The following DAOA variants were observed in gnomAD, a reference collection of about 807,000 sequenced individuals.
DAOA encodes D-amino acid oxidase regulator.
Under a neutral mutation model 16.4 loss-of-function variants are expected in DAOA, and 15 were observed. That is an observed-to-expected ratio of 0.91 (90% CI 0.61 to 1.41). The LOEUF is 1.41. Ranked by LOEUF, DAOA falls within the 40% of genes most tolerant of loss-of-function variation. The pLI is 0.00. For synonymous variants in DAOA, 75 were observed against 59.1 expected (o/e 1.27, Z -1.23); for missense variants, 230 against 176.8 (o/e 1.30, Z -1.71).
chr13:105,473,836 A>T (rs1877159813), intron 4 of DAOA, among the ~76,000 whole-genome samples: 1 of 152,146 alleles, frequency 6.6e-6, no homozygotes, highest in African/African-American at 2.4e-5. Flanking sequence ...TTCCAATCAG[A>T]GCTGCCTAAT....
chr13:105,474,864 C>A, intron 4 of DAOA: 2 of 286,492 alleles, frequency 7.0e-6, no homozygotes, highest in Non-Finnish European at 1.0e-5. Flanking sequence ...CATTCCTCTT[C>A]TGGAAATCTC....
At chr13:105,476,524 A>C (rs4772688) in intron 4 of DAOA, among the ~76,000 whole-genome samples, 2 of 144,692 alleles carry the variant, frequency 1.4e-5, no homozygotes, top group Non-Finnish European at 3.1e-5. Flanking sequence ...AAAAAATTAC[A>C]TATGAGGTAC....
At chr13:105,472,406 A>C (rs968525128) in intron 3 of DAOA, 132 bp from the exon 4 acceptor site, 1 of 1,300,530 alleles carries the variant, frequency 7.7e-7, no homozygotes, top group Non-Finnish European at 1.0e-6. Flanking sequence ...TTTTGTCTTA[A>C]CCAAAAACCT....
Position 105,490,130 on chromosome 13 carries a change from C to A in DAOA, c.*49C>A. On this transcript the variant is annotated 3_prime_UTR_variant, in exon 5 of 6. Coordinates refer to ENST00000375936, the MANE Select transcript of DAOA (RefSeq NM_172370.5). Reference sequence around the variant, plus strand: ...CCAATCCTTCTGATGACAATGTAGTCTGGCCAACATCTTCACTGGACTCTG... The same window carrying A: ...CCAATCCTTCTGATGACAATGTAGTATGGCCAACATCTTCACTGGACTCTG... 6.6e-7 allele frequency: 1 copy of A among 1,519,338 alleles called. No individual in the cohort carries two copies. Among genetic ancestry groups the A allele is most frequent in the Non-Finnish European group, 8.9e-7 (1 of 1,128,830 alleles). The allele number at this position is 1,519,338 out of a possible 1,614,324, so 94.1% of individuals were successfully genotyped here.
intron 4 of DAOA, among the ~76,000 whole-genome samples, chr13:105,473,055 C>A (rs940978532): frequency 2.6e-5 from 4 of 151,966 alleles, no homozygotes; most frequent in Admixed American, 1.3e-4. Context: ...CTCTTTAGAA[C>A]CTCAAGGCTA....
intron 4 of DAOA, among the ~76,000 whole-genome samples, chr13:105,474,430 T>C (rs1442757025): frequency 6.6e-6 from 1 of 152,102 alleles, no homozygotes; most frequent in African/African-American, 2.4e-5. Context: ...ATTGTCTTAC[T>C]AATGGCACTA....
In DAOA at chr13:105,485,608, T is replaced by A. The variant is rs571738890; in HGVS notation, c.282-4293T>A. 2.6e-5 allele frequency among the ~76,000 whole-genome samples: 4 copies of A among 152,302 alleles called. No individual in the cohort carries two copies. In the South Asian group the frequency reaches 8.3e-4, roughly 32 times the overall value. ...TCTGCAATACCTATGAATATGACCTTATTTAGAAATAGGATATTTGCAGAT... is the reference window on the plus strand; with the variant it reads ...TCTGCAATACCTATGAATATGACCTAATTTAGAAATAGGATATTTGCAGAT... On this transcript the variant is annotated intron_variant, in intron 4 of 5. Coordinates refer to ENST00000375936, the MANE Select transcript of DAOA (RefSeq NM_172370.5).
In DAOA at chr13:105,490,132, G is replaced by A; in HGVS notation, c.*51G>A. 15 of 1,515,244 alleles carry A rather than the reference G, an allele frequency of 9.9e-6. No individual in the cohort carries two copies. Among genetic ancestry groups the A allele is most frequent in the Non-Finnish European group, 1.3e-5 (15 of 1,126,682 alleles). The allele number at this position is 1,515,244 out of a possible 1,614,324, so 93.9% of individuals were successfully genotyped here. On this transcript the variant is annotated 3_prime_UTR_variant, in exon 5 of 6. Transcript: ENST00000375936. ...AATCCTTCTGATGACAATGTAGTCT[G>A]GCCAACATCTTCACTGGACTCTGAC...
intron 4 of DAOA, among the ~76,000 whole-genome samples, chr13:105,473,392 T>G (rs576972788): frequency 1.7e-4 from 26 of 152,234 alleles, no homozygotes; most frequent in African/African-American, 6.3e-4. Context: ...ATGTTAGGCT[T>G]AACGAGAATA....
intron 4 of DAOA, among the ~76,000 whole-genome samples, chr13:105,482,660 A>T (rs1385922603): frequency 6.6e-6 from 1 of 151,830 alleles, no homozygotes; most frequent in Non-Finnish European, 1.5e-5. Context: ...GGTGCCCACC[A>T]CCACGTCTGG....
intron 4 of DAOA, among the ~76,000 whole-genome samples, chr13:105,485,344 T>C (rs745899254): frequency 7.2e-5 from 11 of 152,144 alleles, no homozygotes; most frequent in Non-Finnish European, 1.0e-4. Flanking sequence ...ACTTGATCCG[T>C]TGGATTTTGT....
intron 3 of DAOA, among the ~76,000 whole-genome samples, chr13:105,468,345 A>G (rs905364902): frequency 6.6e-6 from 1 of 152,178 alleles, no homozygotes; most frequent in Non-Finnish European, 1.5e-5. Context: ...TGATAGCATA[A>G]TTAAAACATT....
rs572954611 is a variant in DAOA at position 105,472,518 on chromosome 13, C to A, written c.134-20C>A. 3 of 1,608,560 alleles carry A rather than the reference C, an allele frequency of 1.9e-6. No homozygotes were observed. Among genetic ancestry groups the A allele is most frequent in the Admixed American group, 3.4e-5 (2 of 59,476 alleles). On this transcript the variant is annotated intron_variant, in intron 3 of 5. Coordinates refer to ENST00000375936, the MANE Select transcript of DAOA (RefSeq NM_172370.5). ...GATAGAGTTAATATGTATTATATATCCACTTAAATACTGTTGCAGCAAAGG... is the reference window on the plus strand; with the variant it reads ...GATAGAGTTAATATGTATTATATATACACTTAAATACTGTTGCAGCAAAGG...
Position 105,467,159 on chromosome 13 carries a change from T to G in DAOA, c.133+18T>G, listed in dbSNP as rs189046558. The G allele has an allele frequency of 1.2e-4, 189 of 1,568,662 alleles. No individual in the cohort carries two copies. The highest frequency in any genetic ancestry group is 1.4e-4 in the Non-Finnish European group (166 of 1,156,060). ...CTCTATTGGTATGTTACTCTTTATCTTTATATGAATTTAAATTCTTCTAGA... is the reference window on the plus strand; with the variant it reads ...CTCTATTGGTATGTTACTCTTTATCGTTATATGAATTTAAATTCTTCTAGA... On this transcript the variant is annotated intron_variant, in intron 3 of 5. Transcript: ENST00000375936.
At chr13:105,476,472 C>T (rs1337282137) in intron 4 of DAOA, among the ~76,000 whole-genome samples, 2 of 141,596 alleles carry the variant, frequency 1.4e-5, no homozygotes. Context: ...CGTTATAAAA[C>T]GTTCACTTGT....
chr13:105,475,091 A>ACC, intron 4 of DAOA: 1 of 957,598 alleles, frequency 1.0e-6, no homozygotes, highest in Non-Finnish European at 1.2e-6. Flanking sequence ...TAAGCTGCAT[A>ACC]CCCCTAGTGA....
intron 4 of DAOA, among the ~76,000 whole-genome samples, chr13:105,479,396 A>G (rs1877554802): frequency 6.6e-6 from 1 of 152,194 alleles, no homozygotes; most frequent in South Asian, 2.1e-4. Flanking sequence ...ATAATACACT[A>G]TTGCAAACTG....
At chr13:105,472,301 C>T (rs1473960459) in intron 3 of DAOA, among the ~76,000 whole-genome samples, 2 of 152,086 alleles carry the variant, frequency 1.3e-5, no homozygotes, top group African/African-American at 2.4e-5. Flanking sequence ...AAGTATAGTC[C>T]GATCCAGAGA....
At chr13:105,473,108 C>T (rs1191415376) in intron 4 of DAOA, among the ~76,000 whole-genome samples, 2 of 151,796 alleles carry the variant, frequency 1.3e-5, no homozygotes, top group African/African-American at 4.8e-5. Context: ...CCATACACAA[C>T]AATAACATGG....
Sources: allele counts gnomAD v4.1 joint callset (sites outside exome capture counted in the v4.1 genomes callset), GRCh38; gene constraint gnomAD v4.1.1; transcripts MANE v1.5; gene names NCBI Gene and HGNC (gene_info 2026-07-23, HGNC 2026-07-21).